Variants in GAS7 observed in about 807,000 individuals in gnomAD.
The protein encoded by GAS7 is growth arrest-specific protein 7.
GAS7 carries 28 observed loss-of-function variants against 71.1 expected under a neutral mutation model. The observed-to-expected ratio is 0.39, with a 90% CI of 0.29 to 0.54. GAS7 has a LOEUF of 0.54. GAS7 is among the 20% of genes least tolerant of loss of function. The probability of loss-of-function intolerance (pLI) is 0.62; values close to 1 mark genes in which losing one functional copy is unlikely to be tolerated. For synonymous variants in GAS7, 258 were observed against 245.8 expected, an observed-to-expected ratio of 1.05 and a Z score of -0.46; for missense variants, 436 against 627.8, an observed-to-expected ratio of 0.69 and a Z score of 3.27.
Position 10,054,308 on chromosome 17 carries a change from G to A in GAS7, c.184-34411C>T, listed in dbSNP as rs77161950. ...CAACTGTTCCACTATTGGCCTTAGC[G>A]CTGGTAACAGCAGAGATGGGTGGAG... is the stretch of plus-strand genomic sequence containing the variant. On this transcript the variant is annotated intron_variant, in intron 1 of 13. Transcript: ENST00000432992. 3.7e-3 allele frequency among the ~76,000 whole-genome samples: 556 copies of A among 152,106 alleles called. 14 individuals are homozygous for A. In the East Asian group the frequency reaches 0.058, roughly 16 times the overall value.
At chr17:10,104,861 C>T (rs957289234) in intron 1 of GAS7, among the ~76,000 whole-genome samples, 1 of 152,198 alleles carries the variant, frequency 6.6e-6, no homozygotes, top group African/African-American at 2.4e-5. Flanking sequence ...TTTTCATCCC[C>T]TCCAATTCAT....
chr17:10,142,203 G>A (rs7219136), intron 1 of GAS7, among the ~76,000 whole-genome samples: 6 of 129,856 alleles, frequency 4.6e-5, no homozygotes, highest in African/African-American at 1.2e-4. Flanking sequence ...GCGACACAGC[G>A]AGACTCTGTC....
At chr17:10,139,758 C>A (rs147364419) in intron 1 of GAS7, among the ~76,000 whole-genome samples, 2 of 152,138 alleles carry the variant, frequency 1.3e-5, no homozygotes, top group Non-Finnish European at 2.9e-5. Context: ...AGATATGGTG[C>A]GGGAAAGGGA....
At chr17:10,093,552 C>CAAAAAAA in intron 1 of GAS7, among the ~76,000 whole-genome samples, 1 of 66,062 alleles carries the variant, frequency 1.5e-5, no homozygotes, top group Non-Finnish European at 2.6e-5. Context: ...GACTCCGTCT[C>CAAAAAAA]AAAAAAAAAA....
intron 1 of GAS7, chr17:10,039,607 C>T (rs59533819): frequency 0.01 from 3,557 of 346,910 alleles, 131 homozygotes; most frequent in African/African-American, 0.07. Flanking sequence ...TACTTGAACC[C>T]GGGAGGCAGA....
chr17:10,181,583 A>T (rs1326583054), intron 1 of GAS7, among the ~76,000 whole-genome samples: 1 of 152,120 alleles, frequency 6.6e-6, no homozygotes, highest in Admixed American at 6.6e-5. Context: ...AATAGCTAAA[A>T]TGCAGCTCAG....
rs1462496798 is a variant in GAS7 at position 9,974,364 on chromosome 17, T to C, written c.386-4602A>G. Among the ~76,000 whole-genome samples the C allele has an allele frequency of 6.6e-6, 1 of 152,098 alleles. No homozygotes were observed. Among genetic ancestry groups the C allele is most frequent in the Non-Finnish European group, 1.5e-5 (1 of 68,022 alleles). On this transcript the variant is annotated intron_variant, in intron 3 of 13. Transcript: ENST00000432992. This position sits in a 1 kb window ranked among gnomAD's most constrained non-coding sequence, Gnocchi z 4.0. ...CGGCATTCCTCATTGCTATTCCCTG[T>C]CCTGGGGGCTCCCGGCTCACCCAGG...
At chr17:10,041,729 C>G (rs1047606707) in intron 1 of GAS7, among the ~76,000 whole-genome samples, 16 of 152,182 alleles carry the variant, frequency 1.1e-4, no homozygotes, top group African/African-American at 3.4e-4. Context: ...GAAAAACACG[C>G]TACTGGTCTC....
At chr17:10,052,145 G>A (rs958867025) in intron 1 of GAS7, among the ~76,000 whole-genome samples, 23 of 152,070 alleles carry the variant, frequency 1.5e-4, no homozygotes, top group African/African-American at 5.6e-4. Context: ...AAGCTGATGG[G>A]CTGAATGAAA....
intron 1 of GAS7, among the ~76,000 whole-genome samples, chr17:10,081,540 A>G (rs2073457272): frequency 1.3e-5 from 2 of 152,248 alleles, no homozygotes; most frequent in Non-Finnish European, 2.9e-5. Flanking sequence ...AAAGTTTTGC[A>G]TGACAAAATA....
Position 10,029,458 on chromosome 17 carries a change from C to T in GAS7, c.184-9561G>A, listed in dbSNP as rs557359422. 7.2e-5 allele frequency among the ~76,000 whole-genome samples: 11 copies of T among 152,244 alleles called. 1 individual carries two copies. The highest frequency in any genetic ancestry group is 3.4e-3 in the Middle Eastern group (1 of 294). On this transcript the variant is annotated intron_variant, in intron 1 of 13. Coordinates refer to ENST00000432992, the MANE Select transcript of GAS7 (RefSeq NM_201433.2). The stretch of plus-strand genomic sequence containing the variant: ...TGAAAGCAGCTTACAGAAATGCATA[C>T]GTAATTATGCATTTCTAGTTATACA...
intron 3 of GAS7, among the ~76,000 whole-genome samples, chr17:9,977,277 T>C (rs2070242339): frequency 6.6e-6 from 1 of 152,224 alleles, no homozygotes; most frequent in South Asian, 2.1e-4. Context: ...ACATGGCTAG[T>C]GGCTACCATA....
At chr17:9,972,995 C>T (rs1021042533) in intron 3 of GAS7, among the ~76,000 whole-genome samples, 2 of 152,092 alleles carry the variant, frequency 1.3e-5, no homozygotes, top group Non-Finnish European at 2.9e-5. Context: ...ACTAAACATT[C>T]AACTTAAGAT....
intron 8 of GAS7, among the ~76,000 whole-genome samples, chr17:9,937,041 A>C (rs925429352): frequency 6.6e-6 from 1 of 152,232 alleles, no homozygotes; most frequent in Non-Finnish European, 1.5e-5. Context: ...TTAAATGTCC[A>C]AAGCTGTGTG....
intron 1 of GAS7, among the ~76,000 whole-genome samples, chr17:10,063,380 C>T (rs1331323326): frequency 3.3e-5 from 5 of 152,208 alleles, no homozygotes; most frequent in African/African-American, 1.2e-4. Flanking sequence ...ATCCTGCTCT[C>T]TCTGCTGAGG....
At position 10,143,960 on chromosome 17, in the gene GAS7, T is replaced by C. The variant is rs374582223; in HGVS notation, c.183+54248A>G. 1.3e-5 allele frequency among the ~76,000 whole-genome samples: 2 copies of C among 152,138 alleles called. 1 individual carries two copies. Among genetic ancestry groups the C allele is most frequent in the African/African-American group, 4.8e-5 (2 of 41,430 alleles). ...AAGGAGGGGGCTTAAGGTAGGCCCA[T>C]CCCCACCCATTCCCCACCTAGCCCA... is the stretch of plus-strand genomic sequence containing the variant. On this transcript the variant is annotated intron_variant, in intron 1 of 13. Coordinates refer to ENST00000432992, the MANE Select transcript of GAS7 (RefSeq NM_201433.2).
chr17:10,164,315 G>A (rs548788158), intron 1 of GAS7, among the ~76,000 whole-genome samples: 8 of 151,862 alleles, frequency 5.3e-5, no homozygotes, highest in Non-Finnish European at 8.8e-5. Flanking sequence ...GGTGGTGCGC[G>A]CTTGTAGTCC....
At chr17:10,012,825 G>A (rs1308776354) in intron 2 of GAS7, among the ~76,000 whole-genome samples, 1 of 152,050 alleles carries the variant, frequency 6.6e-6, no homozygotes, top group East Asian at 1.9e-4. Flanking sequence ...AACCCAGGCA[G>A]GGCGCGGTGG....
chr17:10,107,877 C>G (rs547750169), intron 1 of GAS7, among the ~76,000 whole-genome samples: 1 of 149,750 alleles, frequency 6.7e-6, no homozygotes, highest in Middle Eastern at 3.7e-3. Flanking sequence ...CAGTAGGGGA[C>G]TGGGCAGGGG....
Sources: gnomAD v4.1 joint callset for allele counts (sites outside exome capture counted in the v4.1 genomes callset) on GRCh38, gnomAD v4.1.1 for gene constraint, Gnocchi (gnomAD v3.1) non-coding constraint, MANE v1.5 for transcripts, NCBI Gene and HGNC (gene_info 2026-07-23, HGNC 2026-07-21) for gene names.